Variants in PPM1E observed in about 807,000 individuals in gnomAD.
The protein encoded by PPM1E is protein phosphatase, Mg2+/Mn2+ dependent 1E, also known as protein phosphatase 1E.
PPM1E carries 20 observed loss-of-function variants against 65.9 expected under a neutral mutation model. The observed-to-expected ratio is 0.30, with a 90% CI of 0.21 to 0.44. The LOEUF (loss-of-function observed/expected upper bound fraction) is 0.44, where lower values mean the gene tolerates loss of function less well. PPM1E is among the 20% of genes least tolerant of loss of function. The pLI is 1.00. For synonymous variants in PPM1E, 352 were observed against 374.9 expected (o/e 0.94, Z 0.70); for missense variants, 713 against 953.1 (o/e 0.75, Z 3.32).
intron 1 of PPM1E, among the ~76,000 whole-genome samples, chr17:58,876,982 A>C (rs2051134599): frequency 6.6e-6 from 1 of 152,120 alleles, no homozygotes; most frequent in African/African-American, 2.4e-5. Flanking sequence ...ACAAGGTTTC[A>C]CCGTGTTAGC....
intron 6 of PPM1E, among the ~76,000 whole-genome samples, chr17:58,976,985 T>C (rs1258718158): frequency 1.3e-5 from 2 of 152,182 alleles, no homozygotes; most frequent in Non-Finnish European, 2.9e-5. Flanking sequence ...CATATTGGAT[T>C]TTATTTATTA....
At chr17:58,760,411 T>A (rs530644195) in intron 1 of PPM1E, among the ~76,000 whole-genome samples, 6 of 152,280 alleles carry the variant, frequency 3.9e-5, no homozygotes, top group African/African-American at 1.4e-4. Flanking sequence ...GGTGGGTCCA[T>A]CCCTGACTTC....
At chr17:58,907,187 A>G (rs1567871400) in intron 1 of PPM1E, among the ~76,000 whole-genome samples, 1 of 152,098 alleles carries the variant, frequency 6.6e-6, no homozygotes, top group Non-Finnish European at 1.5e-5. Context: ...CGAAGGCTGC[A>G]GTGAGCCAGG....
chr17:58,928,985 T>G (rs2051859731), intron 1 of PPM1E, among the ~76,000 whole-genome samples: 1 of 152,120 alleles, frequency 6.6e-6, no homozygotes, highest in Admixed American at 6.6e-5. Flanking sequence ...ATTACAGGCG[T>G]GAGCCACTGC....
At chr17:58,861,498 A>T (rs1399617181) in intron 1 of PPM1E, among the ~76,000 whole-genome samples, 1 of 152,308 alleles carries the variant, frequency 6.6e-6, no homozygotes, top group East Asian at 1.9e-4. Context: ...GATGAAGTCC[A>T]GATTGGCAAA....
intron 1 of PPM1E, among the ~76,000 whole-genome samples, chr17:58,784,091 C>T (rs1222851214): frequency 6.6e-6 from 1 of 151,628 alleles, no homozygotes; most frequent in Non-Finnish European, 1.5e-5. Flanking sequence ...GGCTCAGTCT[C>T]GGCTCACTGC....
chr17:58,924,988 T>G (rs1248067610), intron 1 of PPM1E, among the ~76,000 whole-genome samples: 1 of 152,128 alleles, frequency 6.6e-6, no homozygotes, highest in African/African-American at 2.4e-5. Context: ...TTTGGGGCAT[T>G]TGGGTTGGTT....
At chr17:58,817,778 G>C (rs2050440432) in intron 1 of PPM1E, among the ~76,000 whole-genome samples, 1 of 151,172 alleles carries the variant, frequency 6.6e-6, no homozygotes, top group Admixed American at 6.6e-5. Flanking sequence ...TTGAGACAGA[G>C]TCTTGCTCTG....
chr17:58,826,746 C>T (rs1192841785), intron 1 of PPM1E, among the ~76,000 whole-genome samples: 1 of 151,992 alleles, frequency 6.6e-6, no homozygotes, highest in South Asian at 2.1e-4. Flanking sequence ...CTGCCTCACC[C>T]TCCTTTGTAG....
intron 1 of PPM1E, among the ~76,000 whole-genome samples, chr17:58,862,475 T>C (rs527842104): frequency 2.0e-5 from 3 of 152,338 alleles, no homozygotes; most frequent in African/African-American, 7.2e-5. Flanking sequence ...TACTTACTGC[T>C]AATGCTGTTG....
At chr17:58,895,211 A>G (rs1451663925) in intron 1 of PPM1E, among the ~76,000 whole-genome samples, 2 of 152,116 alleles carry the variant, frequency 1.3e-5, no homozygotes, top group African/African-American at 4.8e-5. Context: ...TGACTGTTTC[A>G]CCAACTGGCT....
intron 1 of PPM1E, among the ~76,000 whole-genome samples, chr17:58,868,753 G>T (rs1396489649): frequency 6.6e-6 from 1 of 151,866 alleles, no homozygotes; most frequent in Non-Finnish European, 1.5e-5. Flanking sequence ...ATGGGACCTA[G>T]GTCCCATAGG....
At chr17:58,959,100 G>C (rs2143653838) in intron 2 of PPM1E, among the ~76,000 whole-genome samples, 1 of 151,672 alleles carries the variant, frequency 6.6e-6, no homozygotes, top group African/African-American at 2.4e-5. Context: ...CCTGAGGTTG[G>C]GAGTTCGAGA....
rs139764533 is a variant in PPM1E at position 58,767,705 on chromosome 17, C to T, written c.464+11244C>T. ...TTGCTCAGGCTGGAGTGCAATGGCA[C>T]GATCTCAGCTCACCGCAACCTCCGC... On this transcript the variant is annotated intron_variant, in intron 1 of 6. Coordinates refer to ENST00000308249, the MANE Select transcript of PPM1E (RefSeq NM_014906.5). Among the ~76,000 whole-genome samples, 102 of 152,202 alleles carry T rather than the reference C, an allele frequency of 6.7e-4. 1 individual carries two copies. The East Asian group carries it at 0.014, about 21-fold the overall frequency.
chr17:58,816,107 C>T (rs67346233), intron 1 of PPM1E, among the ~76,000 whole-genome samples: 28,038 of 151,896 alleles, frequency 0.18, 2,763 homozygotes, highest in Non-Finnish European at 0.21. Context: ...TTCACTGCAA[C>T]CTCCGCCTCC....
At chr17:58,805,979 AAAAAACAAAAC>A (rs1567838874) in intron 1 of PPM1E, among the ~76,000 whole-genome samples, 22 of 110,072 alleles carry the variant, frequency 2.0e-4, no homozygotes, top group African/African-American at 5.6e-4. Context: ...AAAAACAAAA[AAAAAACAAAAC>A]AAAACAAAAC....
intron 1 of PPM1E, among the ~76,000 whole-genome samples, chr17:58,884,997 G>A (rs2051248908): frequency 6.6e-6 from 1 of 151,882 alleles, no homozygotes; most frequent in Non-Finnish European, 1.5e-5. Flanking sequence ...CATCTCATGT[G>A]TAGTTATACT....
At chr17:58,765,873 GTTTCT>G (rs2049869247) in intron 1 of PPM1E, among the ~76,000 whole-genome samples, 2 of 136,714 alleles carry the variant, frequency 1.5e-5, no homozygotes, top group Admixed American at 1.5e-4. Flanking sequence ...TATTTTTGTA[GTTTCT>G]TTTTTTTTTT....
At chr17:58,946,137 C>G (rs1441329474) in intron 1 of PPM1E, among the ~76,000 whole-genome samples, 2 of 151,932 alleles carry the variant, frequency 1.3e-5, no homozygotes, top group African/African-American at 4.8e-5. Flanking sequence ...GACCAAAAGG[C>G]ACTCATAGAC....
Sources: gnomAD v4.1 joint callset for allele counts (sites outside exome capture counted in the v4.1 genomes callset) on GRCh38, gnomAD v4.1.1 for gene constraint, MANE v1.5 for transcripts, NCBI Gene and HGNC (gene_info 2026-07-23, HGNC 2026-07-21) for gene names.